Variants in NELL1 observed in about 807,000 individuals in gnomAD.
NELL1 encodes protein kinase C-binding protein NELL1.
A neutral mutation model predicts 107.4 loss-of-function variants in NELL1; 76 were observed. The ratio of observed to expected loss-of-function variants is 0.71; its 90% CI spans 0.59 to 0.86. The LOEUF (loss-of-function observed/expected upper bound fraction) is 0.86. NELL1 is among the 40% of genes least tolerant of loss of function. The probability of loss-of-function intolerance (pLI) is 0.00; values close to 1 mark genes in which losing one functional copy is unlikely to be tolerated. For missense variants in NELL1, 1,024 were observed against 1,005.5 expected (o/e 1.02, Z -0.25); for synonymous variants, 353 against 341.2 (o/e 1.03, Z -0.38).
intron 14 of NELL1, among the ~76,000 whole-genome samples, chr11:21,242,459 A>G (rs1464566469): frequency 6.6e-6 from 1 of 152,148 alleles, no homozygotes; most frequent in Non-Finnish European, 1.5e-5. Flanking sequence ...ACAATAAAAC[A>G]GAAGCTATGT....
chr11:21,340,504 C>T (rs1850538342), intron 14 of NELL1, among the ~76,000 whole-genome samples: 1 of 151,990 alleles, frequency 6.6e-6, no homozygotes, highest in Non-Finnish European at 1.5e-5. Context: ...AACTCGTAAC[C>T]CAATGTGTAT....
intron 15 of NELL1, among the ~76,000 whole-genome samples, chr11:21,477,979 G>T (rs1426557613): frequency 6.6e-6 from 1 of 151,630 alleles, no homozygotes; most frequent in African/African-American, 2.4e-5. Context: ...AAATGCATCT[G>T]TATTAGTCCA....
intron 14 of NELL1, among the ~76,000 whole-genome samples, chr11:21,292,054 C>T (rs1426770094): frequency 6.6e-6 from 1 of 152,094 alleles, no homozygotes; most frequent in African/African-American, 2.4e-5. Flanking sequence ...CTATTCAACA[C>T]AGTATTGGAA....
Position 21,573,342 on chromosome 11 carries a change from G to T in NELL1, c.2315G>T (p.Gly772Val). 1 of 1,612,472 alleles carries T rather than the reference G, an allele frequency of 6.2e-7. No homozygotes were observed. The highest frequency in any genetic ancestry group is 8.5e-7 in the Non-Finnish European group (1 of 1,178,984). The stretch of plus-strand genomic sequence containing the variant: ...AGAAAAACTTGCCTGGACAGCTATG[G>T]TGTTTCACGGCTTAGTGGCTCAGTG... ...DIRKTCLDSY[G>V]VSRLSGSVWT... The change falls in exon 19 of 20, where the codon GGT (glycine) becomes GTT (valine). Residue 772 changes from glycine to valine, a missense_variant. Gly to Val is a moderately radical substitution (Grantham distance 109). Transcript: ENST00000357134.
intron 11 of NELL1, among the ~76,000 whole-genome samples, chr11:20,957,504 A>C (rs952217565): frequency 6.6e-6 from 1 of 152,228 alleles, no homozygotes; most frequent in African/African-American, 2.4e-5. Flanking sequence ...TTACAGATAA[A>C]AGAATAACTC....
chr11:21,159,336 T>C (rs1473908114), intron 13 of NELL1, among the ~76,000 whole-genome samples: 1 of 152,152 alleles, frequency 6.6e-6, no homozygotes, highest in Non-Finnish European at 1.5e-5. Context: ...TCATGATAAA[T>C]TTAAGCAGAA....
chr11:21,462,308 C>T (rs1257825654), intron 15 of NELL1, among the ~76,000 whole-genome samples: 2 of 152,110 alleles, frequency 1.3e-5, no homozygotes, highest in African/African-American at 4.8e-5. Context: ...GATATACTAA[C>T]TACTTCATCA....
At chr11:21,491,234 G>A (rs1854799133) in intron 15 of NELL1, among the ~76,000 whole-genome samples, 1 of 152,088 alleles carries the variant, frequency 6.6e-6, no homozygotes. Flanking sequence ...GGCTTTTGTT[G>A]CCATTGCTTT....
In NELL1 at chr11:21,354,079, T is replaced by C. The variant is rs144308018; in HGVS notation, c.1550-16774T>C. Among the ~76,000 whole-genome samples, 179 of 152,302 alleles carry C rather than the reference T, an allele frequency of 1.2e-3. 3 individuals are homozygous for C. The East Asian group carries it at 0.031, about 26-fold the overall frequency. Reference sequence around the variant, plus strand: ...TAAAGAAGGTGCTGTTTTAACATTTTATTTTGTCAAAAAGAAGATAAGTCT... The same window carrying C: ...TAAAGAAGGTGCTGTTTTAACATTTCATTTTGTCAAAAAGAAGATAAGTCT... On this transcript the variant is annotated intron_variant, in intron 14 of 19. Coordinates refer to ENST00000357134, the MANE Select transcript of NELL1 (RefSeq NM_006157.5).
At chr11:21,386,362 G>C (rs1201264185) in intron 15 of NELL1, among the ~76,000 whole-genome samples, 1 of 151,784 alleles carries the variant, frequency 6.6e-6, no homozygotes, top group East Asian at 1.9e-4. Context: ...ATCATGTTCT[G>C]AATGACAGAA....
chr11:21,439,484 C>T (rs1564894272), intron 15 of NELL1, among the ~76,000 whole-genome samples: 1 of 152,028 alleles, frequency 6.6e-6, no homozygotes, highest in East Asian at 1.9e-4. Flanking sequence ...AGTCATATGG[C>T]AAGAGCAAAG....
At chr11:21,037,641 C>T (rs987610472) in intron 12 of NELL1, among the ~76,000 whole-genome samples, 4 of 152,082 alleles carry the variant, frequency 2.6e-5, no homozygotes, top group Admixed American at 1.3e-4. Context: ...CTCTGCTTTC[C>T]CAAACAGTCA....
At chr11:20,972,503 A>G (rs1204981313) in intron 12 of NELL1, among the ~76,000 whole-genome samples, 1 of 152,132 alleles carries the variant, frequency 6.6e-6, no homozygotes, top group African/African-American at 2.4e-5. Context: ...TAGGAAATTC[A>G]CACTGAGACC....
At chr11:21,367,412 A>G (rs1274732943) in intron 14 of NELL1, among the ~76,000 whole-genome samples, 1 of 151,424 alleles carries the variant, frequency 6.6e-6, no homozygotes, top group African/African-American at 2.4e-5. Context: ...AGGAGCTATG[A>G]TTCTAAGTTG....
intron 15 of NELL1, among the ~76,000 whole-genome samples, chr11:21,404,705 G>A (rs1852192398): frequency 6.6e-6 from 1 of 151,884 alleles, no homozygotes; most frequent in Non-Finnish European, 1.5e-5. Flanking sequence ...GAAATTTTAG[G>A]CACTCAACAT....
intron 2 of NELL1, among the ~76,000 whole-genome samples, chr11:20,724,374 T>C (rs975089676): frequency 6.6e-6 from 1 of 152,204 alleles, no homozygotes; most frequent in Non-Finnish European, 1.5e-5. Flanking sequence ...TTTCAGACCA[T>C]CTCTTCGTGA....
intron 15 of NELL1, among the ~76,000 whole-genome samples, chr11:21,429,147 T>A (rs1852907678): frequency 6.6e-6 from 1 of 152,210 alleles, no homozygotes; most frequent in Non-Finnish European, 1.5e-5. Flanking sequence ...ACAGGAAATG[T>A]TTTTAATTTA....
At chr11:21,467,092 G>C (rs1019044145) in intron 15 of NELL1, among the ~76,000 whole-genome samples, 2 of 152,058 alleles carry the variant, frequency 1.3e-5, no homozygotes, top group East Asian at 1.9e-4. Context: ...TATTGTTGTT[G>C]TTAGGAGCTT....
intron 15 of NELL1, among the ~76,000 whole-genome samples, chr11:21,408,102 T>A (rs1314744117): frequency 6.6e-6 from 1 of 151,962 alleles, no homozygotes; most frequent in Non-Finnish European, 1.5e-5. Flanking sequence ...GAGAGCAGCA[T>A]GAGTTGATCA....
Sources: gnomAD v4.1 joint callset for allele counts (sites outside exome capture counted in the v4.1 genomes callset) on GRCh38, gnomAD v4.1.1 for gene constraint, MANE v1.5 for transcripts, NCBI Gene and HGNC (gene_info 2026-07-23, HGNC 2026-07-21) for gene names.